The following ARL14EPL variants were observed in gnomAD, a reference collection of about 807,000 sequenced individuals.
ARL14EPL encodes ARL14 effector protein-like.
In ARL14EPL, 17 loss-of-function variants were observed where a neutral mutation model predicts 15.9. The observed-to-expected ratio is 1.07, with a 90% confidence interval of 0.73 to 1.60. The LOEUF is 1.60. Among genes scored for constraint, ARL14EPL ranks in the 40% most tolerant of loss-of-function variants. The pLI, the probability that ARL14EPL is intolerant of heterozygous loss-of-function variation, is 0.00. For missense variants in ARL14EPL, 214 were observed against 185.9 expected (o/e 1.15, Z -0.88); for synonymous variants, 78 against 63.8 (o/e 1.22, Z -1.06).
intron 3 of ARL14EPL, among the ~76,000 whole-genome samples, chr5:116,056,418 T>C (rs117156143): frequency 0.64 from 97,166 of 152,128 alleles, 33,310 homozygotes; most frequent in Non-Finnish European, 0.79. Context: ...GCATTTTTCA[T>C]GTGTCTATTG....
intron 1 of ARL14EPL, among the ~76,000 whole-genome samples, chr5:116,040,007 GACT>G (rs1749119788): frequency 6.6e-6 from 1 of 152,010 alleles, no homozygotes; most frequent in African/African-American, 2.4e-5. Context: ...TTATTTTAAT[GACT>G]ACTTCATATC....
chr5:116,051,799 CA>C, intron 2 of ARL14EPL: 2 of 792,776 alleles, frequency 2.5e-6, no homozygotes, highest in Non-Finnish European at 3.9e-6. Context: ...GTGTTCTGTA[CA>C]ATAAAATTCT....
chr5:116,044,317 A>T (rs1580412857), intron 1 of ARL14EPL, among the ~76,000 whole-genome samples: 3 of 152,270 alleles, frequency 2.0e-5, no homozygotes, highest in South Asian at 2.1e-4. Flanking sequence ...TCACAACATA[A>T]TATCCAAACC....
intron 1 of ARL14EPL, among the ~76,000 whole-genome samples, chr5:116,039,638 A>G (rs1749111780): frequency 6.6e-6 from 1 of 152,184 alleles, no homozygotes; most frequent in African/African-American, 2.4e-5. Flanking sequence ...TCTTAGAACA[A>G]CAGAACATGA....
chr5:116,035,886 C>A (rs919396894), intron 1 of ARL14EPL, among the ~76,000 whole-genome samples: 14 of 152,206 alleles, frequency 9.2e-5, no homozygotes, highest in Admixed American at 3.9e-4. Flanking sequence ...AATTCAACAG[C>A]CACTGCCGGA....
Position 116,047,789 on chromosome 5 carries a change from A to C in ARL14EPL, c.-9-3668A>C, listed in dbSNP as rs535038510. 3.3e-5 allele frequency among the ~76,000 whole-genome samples: 5 copies of C among 152,308 alleles called. No homozygotes were observed. In the East Asian group the frequency reaches 9.6e-4, roughly 29 times the overall value. ...TTCTACACAGATAGGGTGGAGGAAA[A>C]GTTAGAGTAATATTTTAAGGTTTTA... On this transcript the variant is annotated intron_variant, in intron 1 of 3. Coordinates refer to ENST00000686077, the MANE Select transcript of ARL14EPL (RefSeq NM_001195581.2).
At chr5:116,052,945 T>G (rs1749420960) in intron 2 of ARL14EPL, among the ~76,000 whole-genome samples, 1 of 152,230 alleles carries the variant, frequency 6.6e-6, no homozygotes, top group South Asian at 2.1e-4. Context: ...TCATGACATG[T>G]GCTACATGTT....
intron 1 of ARL14EPL, among the ~76,000 whole-genome samples, chr5:116,047,565 T>C (rs549693090): frequency 6.6e-6 from 1 of 152,266 alleles, no homozygotes; most frequent in East Asian, 1.9e-4. Context: ...AGAACTATGA[T>C]TGGCCAGAGA....
intron 1 of ARL14EPL, among the ~76,000 whole-genome samples, chr5:116,037,124 G>A (rs1749061928): frequency 6.6e-6 from 1 of 152,060 alleles, no homozygotes; most frequent in African/African-American, 2.4e-5. Context: ...AGGTACAAGG[G>A]GTGGAGCTAC....
chr5:116,050,502 A>G (rs771365449), intron 1 of ARL14EPL, among the ~76,000 whole-genome samples: 114 of 152,190 alleles, frequency 7.5e-4, no homozygotes, highest in Non-Finnish European at 1.2e-3. Context: ...TAGTCCAGCC[A>G]CTGTCGAGAG....
At chr5:116,035,574 A>C (rs1396487) in intron 1 of ARL14EPL, among the ~76,000 whole-genome samples, 7,065 of 152,278 alleles carry the variant, frequency 0.046, 566 homozygotes, top group African/African-American at 0.16. Flanking sequence ...CGAGGCAGGA[A>C]CTACAAGAAA....
At chr5:116,053,060 A>C (rs1749425371) in intron 2 of ARL14EPL, among the ~76,000 whole-genome samples, 1 of 152,084 alleles carries the variant, frequency 6.6e-6, no homozygotes, top group African/African-American at 2.4e-5. Context: ...GGCCCCATCT[A>C]ATTTCTAATT....
At chr5:116,046,095 C>T (rs984779164) in intron 1 of ARL14EPL, among the ~76,000 whole-genome samples, 1 of 152,100 alleles carries the variant, frequency 6.6e-6, no homozygotes. Context: ...TCTCAGCGAC[C>T]TATAAATTTA....
chr5:116,042,866 A>G (rs7726966), intron 1 of ARL14EPL, among the ~76,000 whole-genome samples: 9,773 of 152,268 alleles, frequency 0.064, 1,090 homozygotes, highest in African/African-American at 0.22. Context: ...ATAGTATCCT[A>G]TAAATACTCT....
chr5:116,058,840 A>G lies in ARL14EPL; in HGVS notation c.352A>G (p.Asn118Asp), dbSNP rs1435243190. Residue 118 changes from asparagine (N) to aspartate (D), a missense_variant, in exon 4 of 4, where the codon AAC becomes GAC. Asn to Asp is a conservative substitution (Grantham distance 23). Coordinates refer to ENST00000686077, the MANE Select transcript of ARL14EPL (RefSeq NM_001195581.2). Reference protein sequence around the residue: ...CFYPCPKCNSNKCGPECRCNR... With the variant: ...CFYPCPKCNSDKCGPECRCNR... ...CTACCCATGCCCGAAGTGTAACTCC[A>G]ACAAGTGTGGGCCCGAGTGCCGCTG... 7.8e-6 allele frequency: 12 copies of G among 1,536,128 alleles called. No individual in the cohort carries two copies. Among genetic ancestry groups the G allele is most frequent in the Admixed American group, 2.0e-5 (1 of 51,004 alleles).
rs1277855764 is a variant in ARL14EPL, at chr5:116,054,054, A to G, written c.137A>G (p.Asn46Ser). 2.0e-6 allele frequency: 3 copies of G among 1,535,428 alleles called. No individual in the cohort carries two copies. In the African/African-American group the frequency reaches 4.1e-5, roughly 21 times the overall value. The change falls in exon 3 of 4, where the codon AAC becomes AGC. Residue 46 changes from asparagine (N) to serine (S), a missense_variant. Coordinates refer to ENST00000686077, the MANE Select transcript of ARL14EPL (RefSeq NM_001195581.2). ...ERQLKCLAFRNPGPQVADFNP... is the reference protein window; with the variant it reads ...ERQLKCLAFRSPGPQVADFNP... ...CAGTTAAAATGCTTGGCATTTCGAAACCCTGGACCACAGGTAGCAGACTTT... is the reference window on the plus strand; with the variant it reads ...CAGTTAAAATGCTTGGCATTTCGAAGCCCTGGACCACAGGTAGCAGACTTT...
At chr5:116,053,004 T>A (rs888284485) in intron 2 of ARL14EPL, among the ~76,000 whole-genome samples, 1 of 118,614 alleles carries the variant, frequency 8.4e-6, no homozygotes, top group Non-Finnish European at 2.1e-5. Flanking sequence ...TTGTTGTTTG[T>A]CTTCCAGCTC....
chr5:116,040,429 A>G (rs181537677), intron 1 of ARL14EPL, among the ~76,000 whole-genome samples: 3 of 151,856 alleles, frequency 2.0e-5, no homozygotes, highest in African/African-American at 7.2e-5. Context: ...AAGGCATTAA[A>G]GGAGTGATTA....
At chr5:116,033,548 A>G (rs1487404781) in intron 1 of ARL14EPL, among the ~76,000 whole-genome samples, 1 of 152,202 alleles carries the variant, frequency 6.6e-6, no homozygotes, top group African/African-American at 2.4e-5. Context: ...ACTGAAGAAA[A>G]TCTAACTAGA....
Sources: allele counts gnomAD v4.1 joint callset (sites outside exome capture counted in the v4.1 genomes callset), GRCh38; gene constraint gnomAD v4.1.1; transcripts MANE v1.5; gene names NCBI Gene and HGNC (gene_info 2026-07-23, HGNC 2026-07-21).